The following ZNF804B variants were observed in gnomAD, a reference collection of about 807,000 sequenced individuals.
ZNF804B encodes the protein zinc finger protein 804B, also known as zinc finger 804B.
Under a neutral mutation model 101.4 loss-of-function variants are expected in ZNF804B, and 80 were observed. That is an observed-to-expected ratio of 0.79 (90% confidence interval 0.66 to 0.95). ZNF804B has a LOEUF of 0.95. ZNF804B is among the 40% of genes least tolerant of loss of function. ZNF804B has a pLI of 0.00. For synonymous variants in ZNF804B, 622 were observed against 558.8 expected, an observed-to-expected ratio of 1.11 and a Z score of -1.59; for missense variants, 1,673 against 1,561.9, an observed-to-expected ratio of 1.07 and a Z score of -1.20.
At chr7:88,891,622 AT>A (rs201823667) in intron 1 of ZNF804B, among the ~76,000 whole-genome samples, 30,081 of 147,206 alleles carry the variant, frequency 0.2, 3,289 homozygotes, top group African/African-American at 0.32. Context: ...TTCTAAGTAG[AT>A]TTTTTTTTTT....
In ZNF804B at chr7:88,778,757, A is replaced by G. The variant is rs541756228; in HGVS notation, c.108+18673A>G. Among the ~76,000 whole-genome samples the G allele has an allele frequency of 5.3e-5, 8 of 152,188 alleles. No individual in the cohort carries two copies. The South Asian group carries it at 1.4e-3, about 28-fold the overall frequency. The stretch of plus-strand genomic sequence containing the variant: ...ACTCCTATATCCTGCCAAGGAAGGC[A>G]GGCATTACCCTGAAAGTACTTCTTG... On this transcript the variant is annotated intron_variant, in intron 1 of 3. Coordinates refer to ENST00000333190, the MANE Select transcript of ZNF804B (RefSeq NM_181646.5).
chr7:89,269,359 C>T (rs907732332), intron 2 of ZNF804B, among the ~76,000 whole-genome samples: 2 of 152,060 alleles, frequency 1.3e-5, no homozygotes, highest in East Asian at 3.8e-4. Context: ...TGATGGTTTC[C>T]AGCTTCATCC....
chr7:89,204,726 T>G (rs1248583291), intron 1 of ZNF804B, among the ~76,000 whole-genome samples: 1 of 152,184 alleles, frequency 6.6e-6, no homozygotes, highest in Non-Finnish European at 1.5e-5. Flanking sequence ...TACATTGTTT[T>G]CTGAGTTCAA....
chr7:88,951,911 A>G (rs1454202257), intron 1 of ZNF804B, among the ~76,000 whole-genome samples: 3 of 151,930 alleles, frequency 2.0e-5, no homozygotes, highest in Admixed American at 1.3e-4. Context: ...AATTGATTTC[A>G]TATCCAAGGG....
At chr7:89,004,441 A>C (rs1788340909) in intron 1 of ZNF804B, among the ~76,000 whole-genome samples, 1 of 151,972 alleles carries the variant, frequency 6.6e-6, no homozygotes, top group South Asian at 2.1e-4. Context: ...ACTTTATTTT[A>C]TGAAGCTGTG....
intron 2 of ZNF804B, among the ~76,000 whole-genome samples, chr7:89,246,152 C>A (rs1271104560): frequency 1.3e-5 from 2 of 152,142 alleles, no homozygotes; most frequent in Non-Finnish European, 2.9e-5. Context: ...GACCAGGGTA[C>A]AGACCTCCAC....
chr7:88,985,107 CTG>C (rs1208074431), intron 1 of ZNF804B, among the ~76,000 whole-genome samples: 1 of 151,938 alleles, frequency 6.6e-6, no homozygotes, highest in Non-Finnish European at 1.5e-5. Flanking sequence ...GAAAGTCTGA[CTG>C]TATCTATTTT....
chr7:89,112,596 A>G (rs1790235700), intron 1 of ZNF804B, among the ~76,000 whole-genome samples: 1 of 151,994 alleles, frequency 6.6e-6, no homozygotes, highest in East Asian at 1.9e-4. Flanking sequence ...TGTGTTTGCT[A>G]TTTTGGGATT....
At chr7:88,884,131 T>C (rs1021784175) in intron 1 of ZNF804B, among the ~76,000 whole-genome samples, 1 of 151,670 alleles carries the variant, frequency 6.6e-6, no homozygotes, top group Non-Finnish European at 1.5e-5. Flanking sequence ...AATGATTTTA[T>C]CTTTTTTTTT....
At chr7:89,079,430 TAC>T (rs1789662188) in intron 1 of ZNF804B, among the ~76,000 whole-genome samples, 1 of 152,066 alleles carries the variant, frequency 6.6e-6, no homozygotes, top group Non-Finnish European at 1.5e-5. Flanking sequence ...CTGATTTGAA[TAC>T]AGAGTCCTTC....
intron 1 of ZNF804B, among the ~76,000 whole-genome samples, chr7:89,201,308 A>C (rs1177842521): frequency 6.6e-6 from 1 of 152,054 alleles, no homozygotes; most frequent in Non-Finnish European, 1.5e-5. Context: ...CATAATGGAC[A>C]GAAGCAAAAG....
intron 1 of ZNF804B, among the ~76,000 whole-genome samples, chr7:89,028,558 G>A (rs1562864675): frequency 6.6e-6 from 1 of 152,114 alleles, no homozygotes; most frequent in African/African-American, 2.4e-5. Flanking sequence ...CATTCATGTA[G>A]AGAAACTTAA....
intron 1 of ZNF804B, among the ~76,000 whole-genome samples, chr7:89,009,394 G>C (rs184334364): frequency 2.4e-3 from 368 of 151,960 alleles, no homozygotes; most frequent in African/African-American, 8.0e-3. Flanking sequence ...AATTCCATTT[G>C]CTCACAAGAT....
chr7:88,974,963 ACT>A (rs1205825468), intron 1 of ZNF804B, among the ~76,000 whole-genome samples: 5 of 150,988 alleles, frequency 3.3e-5, no homozygotes, highest in African/African-American at 1.2e-4. Flanking sequence ...CCATCACTCT[ACT>A]CTCTACCTCC....
chr7:89,101,802 A>G (rs1240048473), intron 1 of ZNF804B, among the ~76,000 whole-genome samples: 1 of 151,856 alleles, frequency 6.6e-6, no homozygotes, highest in African/African-American at 2.4e-5. Flanking sequence ...TAGTGTACAC[A>G]TTATTTAAGT....
chr7:89,103,242 G>A (rs1387337877), intron 1 of ZNF804B, among the ~76,000 whole-genome samples: 3 of 145,848 alleles, frequency 2.1e-5, no homozygotes, highest in Admixed American at 6.8e-5. Flanking sequence ...CTTGAAAATT[G>A]TTTTTTCAAA....
intron 1 of ZNF804B, among the ~76,000 whole-genome samples, chr7:88,973,348 T>G (rs569953680): frequency 6.6e-6 from 1 of 151,252 alleles, no homozygotes; most frequent in African/African-American, 2.4e-5. Context: ...TATAGAATAA[T>G]AGGTACCAAA....
intron 1 of ZNF804B, among the ~76,000 whole-genome samples, chr7:88,922,012 A>G (rs1048341675): frequency 6.6e-6 from 1 of 152,082 alleles, no homozygotes; most frequent in African/African-American, 2.4e-5. Flanking sequence ...ATTTCAGAAT[A>G]CATGCTTAGA....
chr7:89,271,357 G>A (rs1789890461), intron 2 of ZNF804B, among the ~76,000 whole-genome samples: 1 of 152,082 alleles, frequency 6.6e-6, no homozygotes, highest in African/African-American at 2.4e-5. Context: ...CTGTTTATAT[G>A]CTGGATTACG....
Sources: gnomAD v4.1 joint callset for allele counts (sites outside exome capture counted in the v4.1 genomes callset) on GRCh38, gnomAD v4.1.1 for gene constraint, MANE v1.5 for transcripts, NCBI Gene and HGNC (gene_info 2026-07-23, HGNC 2026-07-21) for gene names.